The following ZNF248 variants were observed in gnomAD, a reference collection of about 807,000 sequenced individuals.
ZNF248 encodes zinc finger protein 248, also known as KRAB protein domain.
ZNF248 carries 20 observed loss-of-function variants against 44.3 expected under a neutral mutation model. That is an observed-to-expected ratio of 0.45 (90% CI 0.32 to 0.66). The LOEUF is 0.66. Ranked by LOEUF, ZNF248 falls within the 30% of genes least tolerant of loss-of-function variation. The pLI, the probability that ZNF248 is intolerant of heterozygous loss-of-function variation, is 0.04. For missense variants in ZNF248, 654 were observed against 677.0 expected, an observed-to-expected ratio of 0.97 and a Z score of 0.38; for synonymous variants, 224 against 229.0, an observed-to-expected ratio of 0.98 and a Z score of 0.20.
chr10:37,825,626 AGACAG>A (rs1202649582), downstream of ZNF248, among the ~76,000 whole-genome samples: 1 of 152,108 alleles, frequency 6.6e-6, no homozygotes. Context: ...TTTTCTGTAG[AGACAG>A]GGTTTCACCA....
At chr10:37,773,714 T>A (rs554886175), downstream of ZNF248, among the ~76,000 whole-genome samples, 18 of 152,276 alleles carry the variant, frequency 1.2e-4, no homozygotes, top group African/African-American at 1.4e-4. Flanking sequence ...TCCCCCTGGT[T>A]GCATGTCCTC....
intron 6 of ZNF248, chr10:37,820,608 C>T: frequency 6.3e-7 from 1 of 1,579,222 alleles, no homozygotes; most frequent in Non-Finnish European, 8.7e-7. Context: ...TTACGTCCCC[C>T]AGCAGTGCCT....
At position 37,832,062 on chromosome 10, in the gene ZNF248, T is replaced by C. The variant is rs2055819086; in HGVS notation, c.1293A>G (p.Thr431=). The C allele has an allele frequency of 1.9e-6, 3 of 1,614,056 alleles. No individual in the cohort carries two copies. Among genetic ancestry groups the C allele is most frequent in the East Asian group, 2.2e-5 (1 of 44,878 alleles). The change falls in exon 6 of 6, where the codon ACA becomes ACG. Residue 431 remains threonine, a synonymous_variant. Coordinates refer to ENST00000395867, the MANE Select transcript of ZNF248 (RefSeq NM_021045.3). ...PHLTNHQRTH[T]GEKPYECKQC... ...GCTTACATTCATAGGGTTTTTCTCC[T>C]GTATGTGTTCGCTGATGGTTGGTCA... is the stretch of plus-strand genomic sequence containing the variant.
chr10:37,846,187 A>G (rs1362133928), intron 3 of ZNF248, among the ~76,000 whole-genome samples: 1 of 152,168 alleles, frequency 6.6e-6, no homozygotes, highest in Non-Finnish European at 1.5e-5. Context: ...GCAAATCCCA[A>G]TGTCAGTTTT....
chr10:37,837,274 C>T (rs1295369730), intron 5 of ZNF248, among the ~76,000 whole-genome samples: 1 of 151,994 alleles, frequency 6.6e-6, no homozygotes, highest in African/African-American at 2.4e-5. Context: ...CCACCACATC[C>T]AGCTAATTTT....
chr10:37,833,077 T>C lies in ZNF248; in HGVS notation c.278A>G (p.Gln93Arg). The change falls in exon 6 of 6, where the codon CAG (glutamine) becomes CGG (arginine). Residue 93 changes from glutamine (Q) to arginine (R), a missense_variant. Coordinates refer to ENST00000395867, the MANE Select transcript of ZNF248 (RefSeq NM_021045.3). The stretch of plus-strand genomic sequence containing the variant: ...CCAAAAATGGTCATCTTCATTTTCC[T>C]GGCTGCTCTCTAACACGTCATCAAC... ...WKVDDVLESS[Q>R]ENEDDHFWEL... is the part of the protein sequence containing the mutation. 1 of 1,609,964 alleles carries C rather than the reference T, an allele frequency of 6.2e-7. No homozygotes were observed. Among genetic ancestry groups the C allele is most frequent in the Non-Finnish European group, 8.5e-7 (1 of 1,178,602 alleles).
At chr10:37,853,832 C>G (rs2060772348) in intron 3 of ZNF248, among the ~76,000 whole-genome samples, 1 of 151,930 alleles carries the variant, frequency 6.6e-6, no homozygotes, top group Non-Finnish European at 1.5e-5. Context: ...AAGATCTGCA[C>G]AAGAAACAAT....
At position 37,830,093 on chromosome 10, in the gene ZNF248, A is replaced by G. The variant is rs1213997873; in HGVS notation, c.*1522T>C. The G allele has an allele frequency of 2.0e-6, 2 of 985,340 alleles. No homozygotes were observed. Among genetic ancestry groups the G allele is most frequent in the East Asian group, 1.1e-4 (1 of 8,820 alleles). 61.0% of individuals were successfully genotyped at this position (985,340 alleles called of 1,614,324 possible). ...TACTAATACGCAGAACTAGTGTTAC[A>G]TAGACCGTGCCCAAACAGATACACA... On this transcript the variant is annotated 3_prime_UTR_variant, in exon 6 of 6. Transcript: ENST00000395867.
intron 6 of ZNF248, among the ~76,000 whole-genome samples, chr10:37,781,289 G>A (rs1327744240): frequency 6.6e-6 from 1 of 152,140 alleles, no homozygotes; most frequent in East Asian, 1.9e-4. Context: ...GAGTGACAGA[G>A]GTAAGCATAC....
chr10:37,766,931 G>A, the ZNF248 span, among the ~76,000 whole-genome samples: 224 of 152,280 alleles, frequency 1.5e-3, 2 homozygotes, highest in Non-Finnish European at 2.1e-3. Flanking sequence ...GTCCTTAAAG[G>A]AGCTGATGGA....
chr10:37,782,312 C>T (rs1272644263), intron 6 of ZNF248, among the ~76,000 whole-genome samples: 8 of 152,256 alleles, frequency 5.3e-5, no homozygotes, highest in Non-Finnish European at 2.9e-5. Flanking sequence ...AGATGATTTA[C>T]AAGATTGGAT....
chr10:37,819,593 CT>C, intron 6 of ZNF248: 1 of 857,020 alleles, frequency 1.2e-6, no homozygotes, highest in Non-Finnish European at 2.0e-6. Flanking sequence ...ATTATGTATC[CT>C]TTTTAGTTCC....
downstream of ZNF248, among the ~76,000 whole-genome samples, chr10:37,825,541 T>C (rs2054243771): frequency 6.6e-6 from 1 of 152,074 alleles, no homozygotes; most frequent in African/African-American, 2.4e-5. Flanking sequence ...CAGGCTTAGG[T>C]GATTCTCCCA....
chr10:37,851,243 G>A (rs935549228), intron 3 of ZNF248, among the ~76,000 whole-genome samples: 3 of 152,132 alleles, frequency 2.0e-5, no homozygotes, highest in African/African-American at 7.2e-5. Flanking sequence ...ATGGATTTAC[G>A]AAGACAAAAG....
At chr10:37,764,834 A>G in the ZNF248 span, among the ~76,000 whole-genome samples, 1 of 152,238 alleles carries the variant, frequency 6.6e-6, no homozygotes, top group Non-Finnish European at 1.5e-5. Context: ...TGTGGGAGAA[A>G]GAAAAACAGT....
chr10:37,788,262 T>TAA (rs59927437), intron 6 of ZNF248, among the ~76,000 whole-genome samples: 1,224 of 110,284 alleles, frequency 0.011, 16 homozygotes, highest in South Asian at 0.055. Context: ...GACTCCATCT[T>TAA]AAAAAAAAAA....
At chr10:37,760,440 C>T in the ZNF248 span, among the ~76,000 whole-genome samples, 1 of 152,186 alleles carries the variant, frequency 6.6e-6, no homozygotes, top group East Asian at 1.9e-4. Context: ...CCAGGCTGGT[C>T]TCAAACTCCT....
At chr10:37,781,188 C>G (rs1038129656) in intron 6 of ZNF248, among the ~76,000 whole-genome samples, 1 of 152,114 alleles carries the variant, frequency 6.6e-6, no homozygotes, top group African/African-American at 2.4e-5. Flanking sequence ...TGGTCTTTAC[C>G]TGGGTGGCTC....
At chr10:37,788,693 T>A (rs949363880) in intron 6 of ZNF248, among the ~76,000 whole-genome samples, 1 of 152,090 alleles carries the variant, frequency 6.6e-6, no homozygotes, top group African/African-American at 2.4e-5. Flanking sequence ...AAATTAAACA[T>A]ACAATAAGAT....
Sources: allele counts gnomAD v4.1 joint callset (sites outside exome capture counted in the v4.1 genomes callset), GRCh38; gene constraint gnomAD v4.1.1; transcripts MANE v1.5; gene names NCBI Gene and HGNC (gene_info 2026-07-23, HGNC 2026-07-21).